Variants in ASTN2 observed in about 807,000 individuals in gnomAD.
The protein encoded by ASTN2 is astrotactin-2.
Under a neutral mutation model 139.8 loss-of-function variants are expected in ASTN2, and 54 were observed. The ratio of observed to expected loss-of-function variants is 0.39; its 90% CI spans 0.31 to 0.48. The LOEUF is 0.48. ASTN2 is among the 20% of genes least tolerant of loss of function. ASTN2 has a pLI of 0.95. For missense variants in ASTN2, 1,565 were observed against 1,725.1 expected, an observed-to-expected ratio of 0.91 and a Z score of 1.64; for synonymous variants, 756 against 719.5, an observed-to-expected ratio of 1.05 and a Z score of -0.81.
At chr9:116,976,626 G>A in intron 8 of ASTN2, 75 bp downstream of exon 8, 3 of 1,276,140 alleles carry the variant, frequency 2.4e-6, no homozygotes, top group Non-Finnish European at 3.3e-6. Context: ...AGATGCTTGG[G>A]GCCTCTGGTA....
chr9:116,726,185 A>C (rs997063930), intron 15 of ASTN2, among the ~76,000 whole-genome samples: 1 of 152,144 alleles, frequency 6.6e-6, no homozygotes, highest in African/African-American at 2.4e-5. Context: ...TCTGCAGGAG[A>C]AGAAGGCCTA....
chr9:116,632,160 G>GAGAC (rs1856787638), intron 17 of ASTN2, among the ~76,000 whole-genome samples: 23 of 31,484 alleles, frequency 7.3e-4, no homozygotes, highest in Admixed American at 1.5e-3. Context: ...GAGAGAGACA[G>GAGAC]AGAGAGAGAG....
At chr9:116,655,416 T>C (rs1474569968) in intron 16 of ASTN2, among the ~76,000 whole-genome samples, 1 of 152,220 alleles carries the variant, frequency 6.6e-6, no homozygotes, top group Non-Finnish European at 1.5e-5. Context: ...TAAGAGAGCA[T>C]GTAGAAAATG....
intron 6 of ASTN2, among the ~76,000 whole-genome samples, chr9:117,009,709 T>G (rs547662207): frequency 6.6e-6 from 1 of 152,168 alleles, no homozygotes; most frequent in African/African-American, 2.4e-5. Context: ...AACACATCTT[T>G]GTGTATGCAA....
At chr9:116,427,246 G>A (rs1273434873) in intron 22 of ASTN2, among the ~76,000 whole-genome samples, 3 of 152,178 alleles carry the variant, frequency 2.0e-5, no homozygotes, top group Admixed American at 6.5e-5. Flanking sequence ...GTCGTGAAGT[G>A]TGAAAATTCT....
chr9:116,670,350 A>G (rs1462278303), intron 16 of ASTN2, among the ~76,000 whole-genome samples: 1 of 152,080 alleles, frequency 6.6e-6, no homozygotes, highest in African/African-American at 2.4e-5. Context: ...AGTGTCCACA[A>G]GGGCAGGAGG....
intron 17 of ASTN2, among the ~76,000 whole-genome samples, chr9:116,640,229 A>G (rs1463312401): frequency 6.6e-6 from 1 of 152,134 alleles, no homozygotes; most frequent in African/African-American, 2.4e-5. Context: ...GTTGGGTTGG[A>G]TGCTTCTATA....
intron 4 of ASTN2, among the ~76,000 whole-genome samples, chr9:117,109,766 T>C (rs1438596354): frequency 6.6e-6 from 1 of 152,224 alleles, no homozygotes; most frequent in Non-Finnish European, 1.5e-5. Flanking sequence ...TGTTTTACCT[T>C]TGCTTATTTT....
At chr9:116,616,983 T>G (rs1186403675) in intron 19 of ASTN2, among the ~76,000 whole-genome samples, 1 of 152,198 alleles carries the variant, frequency 6.6e-6, no homozygotes, top group Non-Finnish European at 1.5e-5. Flanking sequence ...TAACAAAGTT[T>G]GAAAGATGAG....
At chr9:116,633,096 C>G (rs754932105) in intron 17 of ASTN2, among the ~76,000 whole-genome samples, 3 of 152,232 alleles carry the variant, frequency 2.0e-5, no homozygotes, top group Non-Finnish European at 4.4e-5. Flanking sequence ...TTGTTCTAAA[C>G]TATCTCCAAA....
chr9:116,714,503 C>T lies in ASTN2; in HGVS notation c.2806+11268G>A, dbSNP rs114572847. Among the ~76,000 whole-genome samples the T allele has an allele frequency of 3.4e-3, 521 of 152,306 alleles. 1 individual carries two copies. Among genetic ancestry groups the T allele is most frequent in the African/African-American group, 0.012 (504 of 41,568 alleles). ...AGCATTTGTTATATGCCAGGTGCAG[C>T]AGTAATCACTTTACAAACATCAATT... On this transcript the variant is annotated intron_variant, in intron 16 of 22. Coordinates refer to ENST00000313400, the MANE Select transcript of ASTN2 (RefSeq NM_001365068.1).
intron 17 of ASTN2, among the ~76,000 whole-genome samples, chr9:116,634,526 C>T (rs1272926804): frequency 7.0e-6 from 1 of 142,300 alleles, no homozygotes; most frequent in African/African-American, 2.7e-5. Flanking sequence ...GGAGGCGGAG[C>T]TTGCAGTGAG....
At chr9:116,481,565 T>C (rs1564307624) in intron 20 of ASTN2, among the ~76,000 whole-genome samples, 1 of 152,290 alleles carries the variant, frequency 6.6e-6, no homozygotes, top group Non-Finnish European at 1.5e-5. Context: ...GTTGCTGCTT[T>C]TTGAAAAACA....
intron 19 of ASTN2, among the ~76,000 whole-genome samples, chr9:116,496,612 T>C (rs1166170943): frequency 6.6e-6 from 1 of 152,216 alleles, no homozygotes; most frequent in African/African-American, 2.4e-5. Context: ...GGGGCACTTA[T>C]CTACCAATTC....
chr9:117,317,511 G>GGATA (rs1318411608), intron 1 of ASTN2, among the ~76,000 whole-genome samples: 2 of 152,152 alleles, frequency 1.3e-5, no homozygotes, highest in Non-Finnish European at 2.9e-5. Context: ...TTTGCAGGTA[G>GGATA]GATAACTGGT....
At chr9:117,017,751 G>C (rs1837758877) in intron 6 of ASTN2, among the ~76,000 whole-genome samples, 1 of 151,994 alleles carries the variant, frequency 6.6e-6, no homozygotes, top group Non-Finnish European at 1.5e-5. Context: ...TTGTATATCT[G>C]TCTGTATATA....
At chr9:116,882,264 G>A (rs1454869298) in intron 10 of ASTN2, among the ~76,000 whole-genome samples, 1 of 152,196 alleles carries the variant, frequency 6.6e-6, no homozygotes, top group Non-Finnish European at 1.5e-5. Flanking sequence ...AGGTCTGTAG[G>A]AGCTCAGAAA....
chr9:117,219,921 G>A (rs181000256), intron 2 of ASTN2, among the ~76,000 whole-genome samples: 17 of 152,278 alleles, frequency 1.1e-4, no homozygotes, highest in African/African-American at 4.1e-4. Context: ...CCAGGTGCCT[G>A]GGGGCATACA....
At position 117,414,732 on chromosome 9, in the gene ASTN2, C is replaced by A; in HGVS notation, c.207G>T (p.Thr69=). 1 of 1,277,096 alleles carries A rather than the reference C, an allele frequency of 7.8e-7. No individual in the cohort carries two copies. The highest frequency in any genetic ancestry group is 9.9e-7 in the Non-Finnish European group (1 of 1,010,950). 79.1% of individuals were successfully genotyped at this position (1,277,096 alleles called of 1,614,324 possible). A position where few individuals can be genotyped will look rare whatever the true frequency, so the allele number is the denominator to read the frequency against. The change falls in exon 1 of 23, where the codon ACG becomes ACT. Residue 69 remains threonine (T), a synonymous_variant. Transcript: ENST00000313400. The surrounding 1 kb of genome is among the most constrained non-coding windows in gnomAD (Gnocchi z 4.2). The part of the protein sequence containing the change: ...PDSPCRLKTV[T]VSTLPALRES... The stretch of plus-strand genomic sequence containing the variant: ...CCCGCAGGGCGGGCAGTGTGGACAC[C>A]GTGACGGTCTTCAGCCGGCACGGGC...
Sources: allele counts gnomAD v4.1 joint callset (sites outside exome capture counted in the v4.1 genomes callset), GRCh38; gene constraint gnomAD v4.1.1; non-coding constraint Gnocchi (gnomAD v3.1); transcripts MANE v1.5; gene names NCBI Gene and HGNC (gene_info 2026-07-23, HGNC 2026-07-21).